Variants in ACYP2 observed in about 807,000 individuals in gnomAD.
ACYP2 encodes the protein acylphosphatase 2, also known as acylphosphatase-2.
In ACYP2, 12 loss-of-function variants were observed where a neutral mutation model predicts 11.2. The observed-to-expected ratio is 1.08, with a 90% CI of 0.69 to 1.74. The LOEUF (loss-of-function observed/expected upper bound fraction) is 1.74, where lower values mean the gene tolerates loss of function less well. ACYP2 is among the 40% of genes most tolerant of loss of function. ACYP2 has a pLI of 0.00. For synonymous variants in ACYP2, 43 were observed against 32.2 expected (o/e 1.33, Z -1.13); for missense variants, 134 against 101.9 (o/e 1.31, Z -1.35).
chr2:54,194,573 A>G (rs1450135537), intron 6 of ACYP2, among the ~76,000 whole-genome samples: 1 of 152,164 alleles, frequency 6.6e-6, no homozygotes, highest in African/African-American at 2.4e-5. Flanking sequence ...AATATATTAT[A>G]TGAACATATA....
chr2:54,259,588 A>C (rs948890573), intron 6 of ACYP2, among the ~76,000 whole-genome samples: 1 of 151,192 alleles, frequency 6.6e-6, no homozygotes, highest in African/African-American at 2.4e-5. Flanking sequence ...GAGGTCTGAG[A>C]ATTGACCGTC....
chr2:54,143,495 A>G (rs947495585), intron 6 of ACYP2, among the ~76,000 whole-genome samples: 1 of 152,088 alleles, frequency 6.6e-6, no homozygotes, highest in Non-Finnish European at 1.5e-5. Context: ...GTGCAATGGT[A>G]CGATCTTGGC....
At chr2:54,120,696 T>A (rs1227461296) in intron 4 of ACYP2, among the ~76,000 whole-genome samples, 2 of 152,214 alleles carry the variant, frequency 1.3e-5, no homozygotes, top group African/African-American at 4.8e-5. Flanking sequence ...GCGCTCAGGC[T>A]GTGCTACTGG....
At chr2:54,012,407 T>G (rs1238643267) in intron 2 of ACYP2, among the ~76,000 whole-genome samples, 2 of 152,178 alleles carry the variant, frequency 1.3e-5, no homozygotes, top group Non-Finnish European at 2.9e-5. Context: ...GTTCAGCTAC[T>G]CAGGAGGCTG....
rs191052015 is a variant in ACYP2 at position 54,286,474 on chromosome 2, T to G, written c.405-18214T>G. On this transcript the variant is annotated intron_variant, in intron 6 of 6. Coordinates refer to ENST00000607452, the MANE Select transcript of ACYP2 (RefSeq NM_001320586.2). ...CAGGGACTCTCTGTAAACTACCTTC[T>G]TCAAGCCACTATTACTGTGCTTCAA... Among the ~76,000 whole-genome samples, 51 of 152,160 alleles carry G rather than the reference T, an allele frequency of 3.4e-4. 1 individual carries two copies. The East Asian group carries it at 9.8e-3, about 29-fold the overall frequency.
chr2:54,266,291 A>G (rs763161115), intron 6 of ACYP2, among the ~76,000 whole-genome samples: 2 of 152,140 alleles, frequency 1.3e-5, no homozygotes, highest in African/African-American at 4.8e-5. Flanking sequence ...ACCACAACCC[A>G]CTGGACATGC....
At chr2:54,197,970 TTG>T (rs1684578842) in intron 6 of ACYP2, among the ~76,000 whole-genome samples, 1 of 116,268 alleles carries the variant, frequency 8.6e-6, no homozygotes, top group African/African-American at 4.1e-5. Flanking sequence ...TTGTATTGTA[TTG>T]TATTGTATTG....
intron 6 of ACYP2, among the ~76,000 whole-genome samples, chr2:54,210,632 T>A (rs906131976): frequency 6.6e-6 from 1 of 152,192 alleles, no homozygotes; most frequent in Admixed American, 6.5e-5. Flanking sequence ...ATCTAACAAA[T>A]ACCTATTTGC....
intron 6 of ACYP2, among the ~76,000 whole-genome samples, chr2:54,297,081 G>A (rs112500374): frequency 0.028 from 4,233 of 148,808 alleles, 213 homozygotes; most frequent in African/African-American, 0.1. Context: ...TATTGTGGTT[G>A]TGTTGGCTCC....
chr2:54,135,613 TTGA>T, intron 5 of ACYP2, 144 bp downstream of exon 2: 1 of 600,948 alleles, frequency 1.7e-6, no homozygotes, highest in Non-Finnish European at 2.8e-6. Flanking sequence ...ATGTATTTCT[TTGA>T]AATTACTGAT....
At chr2:54,052,002 G>A (rs567416492) in intron 3 of ACYP2, among the ~76,000 whole-genome samples, 27 of 151,882 alleles carry the variant, frequency 1.8e-4, no homozygotes, top group Non-Finnish European at 3.7e-4. Flanking sequence ...AGCCAAGATC[G>A]CACCATTGCA....
intron 2 of ACYP2, among the ~76,000 whole-genome samples, chr2:54,028,071 G>C (rs1413657004): frequency 6.6e-6 from 1 of 152,012 alleles, no homozygotes; most frequent in African/African-American, 2.4e-5. Context: ...TCGAACTCAT[G>C]AGCTCAGGTG....
chr2:54,280,702 T>G (rs891863580), intron 6 of ACYP2, among the ~76,000 whole-genome samples: 5 of 152,220 alleles, frequency 3.3e-5, no homozygotes, highest in African/African-American at 1.2e-4. Context: ...TGGTGGTCTG[T>G]GACAACCTTC....
intron 6 of ACYP2, among the ~76,000 whole-genome samples, chr2:54,289,655 A>T (rs191354269): frequency 1.3e-5 from 2 of 152,110 alleles, no homozygotes; most frequent in East Asian, 3.9e-4. Flanking sequence ...TATTGAAATT[A>T]TAAAAGTACC....
intron 4 of ACYP2, among the ~76,000 whole-genome samples, chr2:54,130,427 T>C (rs947797540): frequency 6.6e-6 from 1 of 152,122 alleles, no homozygotes; most frequent in Admixed American, 6.6e-5. Context: ...GCAACCAGAA[T>C]ACATTTCATT....
At chr2:54,243,985 T>TCC (rs1243917943) in intron 6 of ACYP2, among the ~76,000 whole-genome samples, 2 of 152,010 alleles carry the variant, frequency 1.3e-5, no homozygotes, top group Non-Finnish European at 2.9e-5. Context: ...CAGAAAGCCT[T>TCC]CCCCACTCTG....
intron 4 of ACYP2, among the ~76,000 whole-genome samples, chr2:54,096,317 C>T (rs1375004615): frequency 2.8e-4 from 40 of 142,570 alleles, no homozygotes; most frequent in East Asian, 2.0e-3. Flanking sequence ...GATGGGATGG[C>T]GGCCGGGCAG....
chr2:54,062,963 C>T (rs967995862), intron 4 of ACYP2, among the ~76,000 whole-genome samples: 1 of 152,080 alleles, frequency 6.6e-6, no homozygotes, highest in Non-Finnish European at 1.5e-5. Flanking sequence ...AGCACAATAT[C>T]CCATATTCAG....
intron 6 of ACYP2, among the ~76,000 whole-genome samples, chr2:54,140,926 G>A (rs1437756696): frequency 6.6e-6 from 1 of 152,136 alleles, no homozygotes; most frequent in Non-Finnish European, 1.5e-5. Flanking sequence ...CAAAACAGCT[G>A]TAAACAATTT....
Sources: gnomAD v4.1 joint callset for allele counts (sites outside exome capture counted in the v4.1 genomes callset) on GRCh38, gnomAD v4.1.1 for gene constraint, MANE v1.5 for transcripts, NCBI Gene and HGNC (gene_info 2026-07-23, HGNC 2026-07-21) for gene names.